Variants in LAMP2 observed in about 807,000 individuals in gnomAD.
LAMP2 encodes lysosome-associated membrane glycoprotein 2.
LAMP2 carries 4 observed loss-of-function variants against 25.6 expected under a neutral mutation model. That is an observed-to-expected ratio of 0.16 (90% CI 0.08 to 0.36). The LOEUF is 0.36. LAMP2 is among the 10% of genes least tolerant of loss of function. The pLI is 1.00. For synonymous variants in LAMP2, 108 were observed against 112.7 expected, an observed-to-expected ratio of 0.96 and a Z score of 0.27; for missense variants, 272 against 301.4, an observed-to-expected ratio of 0.90 and a Z score of 0.72.
intron 4 of LAMP2, among the ~76,000 whole-genome samples, chrX:120,448,611 TA>T (rs1010644815): frequency 3.5e-4 from 39 of 112,395 alleles, no homozygotes; most frequent in Non-Finnish European, 2.8e-4. Flanking sequence ...AAATCAACTT[TA>T]AAAATTCAAG....
At chrX:120,443,718 GTTACC>G (rs2058583737) in intron 6 of LAMP2, among the ~76,000 whole-genome samples, 2 of 112,015 alleles carry the variant, frequency 1.8e-5, no homozygotes, top group Admixed American at 1.9e-4. Flanking sequence ...GACTTTAGAT[GTTACC>G]TTGTTGGCAA....
intron 8 of LAMP2, 72 bp from the exon 9 acceptor site, chrX:120,431,534 A>ATG: frequency 2.0e-6 from 2 of 1,007,328 alleles, no homozygotes; most frequent in Non-Finnish European, 2.8e-6. Flanking sequence ...TTTGAGTAAA[A>ATG]TGACAGCACT....
rs775142637 is a variant in LAMP2, at chrX:120,430,445, A to G, written c.*878T>C. The G allele has an allele frequency of 1.3e-6, 1 of 751,282 alleles. No individual in the cohort carries two copies. Among genetic ancestry groups the G allele is most frequent in the African/African-American group, 2.3e-5 (1 of 43,469 alleles). 61.9% of individuals were successfully genotyped at this position (751,282 alleles called of 1,213,427 possible). A position where few individuals can be genotyped will look rare whatever the true frequency, so the allele number is the denominator to read the frequency against. ...CACTAAATAGATTTTAATGCTCCAGAGATCAACAAGATGAGGTAGAGAAAC... is the reference window on the plus strand; with the variant it reads ...CACTAAATAGATTTTAATGCTCCAGGGATCAACAAGATGAGGTAGAGAAAC... On this transcript the variant is annotated 3_prime_UTR_variant, in exon 9 of 9. Coordinates refer to ENST00000200639, the MANE Select transcript of LAMP2 (RefSeq NM_002294.3).
chrX:120,442,712 G>T, intron 6 of LAMP2, 50 bp from the exon 7 acceptor site: 1 of 950,167 alleles, frequency 1.1e-6, no homozygotes. Context: ...ACTGTCTACA[G>T]ATAACAGATA....
chrX:120,438,155 C>CCT (rs1225840654), intron 8 of LAMP2: 1 of 747,519 alleles, frequency 1.3e-6, no homozygotes, highest in Non-Finnish European at 1.6e-6. Flanking sequence ...CCACGCCCAG[C>CCT]CTAGATGCAA....
chrX:120,429,202 GAGCGGTGGCCTGGAAGAATAAC>G lies in LAMP2; in HGVS notation c.*2099_*2120del. On this transcript the variant is annotated 3_prime_UTR_variant, in exon 9 of 9. Transcript: ENST00000200639. ...CACACACACACAATTATTTTTAGCT[GAGCGGTGGCCTGGAAGAATAAC>G]AGCAGTATCTAATGCGTTGCAGTCC... 1 of 751,598 alleles carries G rather than the reference GAGCGGTGGCCTGGAAGAATAAC, an allele frequency of 1.3e-6. No homozygotes were observed. Among genetic ancestry groups the G allele is most frequent in the Non-Finnish European group, 1.6e-6 (1 of 638,785 alleles). The allele number at this position is 751,598 out of a possible 1,213,427, so 61.9% of individuals were successfully genotyped here.
intron 3 of LAMP2, among the ~76,000 whole-genome samples, chrX:120,452,427 T>C (rs765855800): frequency 8.9e-6 from 1 of 112,305 alleles, no homozygotes; most frequent in Non-Finnish European, 1.9e-5. Context: ...GCTCAGGTCC[T>C]ACTTCTCTAC....
At chrX:120,443,536 T>C (rs752280348) in intron 6 of LAMP2, among the ~76,000 whole-genome samples, 21 of 111,668 alleles carry the variant, frequency 1.9e-4, no homozygotes, top group Non-Finnish European at 1.1e-4. Context: ...GCGGAGTCTA[T>C]GTAATTATTA....
rs778193991 is a variant in LAMP2, at chrX:120,455,540, C to T, written c.214G>A (p.Val72Met). The T allele has an allele frequency of 4.1e-6, 5 of 1,208,799 alleles. No homozygotes were observed. Among genetic ancestry groups the T allele is most frequent in the South Asian group, 3.5e-5 (2 of 56,892 alleles). ...KTVTISDHGT[V>M]TYNGSICGDD... is the part of the protein sequence containing the mutation. ...CCACAAATGCTTCCATTATATGTCA[C>T]AGTGCCATGGTCTGAAATGGTTACA... is the stretch of plus-strand genomic sequence containing the variant. Residue 72 changes from valine (V) to methionine (M), a missense_variant, in exon 3 of 9, where the codon GTG becomes ATG. Transcript: ENST00000200639.
intron 8 of LAMP2, among the ~76,000 whole-genome samples, chrX:120,439,682 TTA>T (rs1276904096): frequency 9.1e-6 from 1 of 110,180 alleles, no homozygotes. Flanking sequence ...GATATATATT[TTA>T]TATGTGATAT....
chrX:120,431,073 T>C lies in LAMP2; in HGVS notation c.*250A>G. ...GGCCAGGGCTTCTTAAGATAGACCT[T>C]AAAACATTGCACGTTGATGTTCTTT... On this transcript the variant is annotated 3_prime_UTR_variant, in exon 9 of 9. Coordinates refer to ENST00000200639, the MANE Select transcript of LAMP2 (RefSeq NM_002294.3). 1 of 977,536 alleles carries C rather than the reference T, an allele frequency of 1.0e-6. No individual in the cohort carries two copies. Among genetic ancestry groups the C allele is most frequent in the Non-Finnish European group, 1.3e-6 (1 of 774,246 alleles). 80.6% of individuals were successfully genotyped at this position (977,536 alleles called of 1,213,427 possible). A position where few individuals can be genotyped will look rare whatever the true frequency, so the allele number is the denominator to read the frequency against.
chrX:120,447,826 G>C lies in LAMP2; in HGVS notation c.741+15C>G. ...AATGCAAAAAGGATGTATTGATAAAGATAGACACCTATACCTTATCCTGAG... is the reference window on the plus strand; with the variant it reads ...AATGCAAAAAGGATGTATTGATAAACATAGACACCTATACCTTATCCTGAG... On this transcript the variant is annotated intron_variant, in intron 5 of 8. Transcript: ENST00000200639. The C allele has an allele frequency of 8.4e-7, 1 of 1,194,050 alleles. No homozygotes were observed. Among genetic ancestry groups the C allele is most frequent in the African/African-American group, 1.7e-5 (1 of 57,588 alleles).
upstream of LAMP2, chrX:120,469,297 C>T (rs1921678568): frequency 1.6e-6 from 1 of 638,959 alleles, no homozygotes; most frequent in Non-Finnish European, 2.5e-6. Flanking sequence ...TTGCAAAAGC[C>T]AGGAATCGGC....
intron 3 of LAMP2, among the ~76,000 whole-genome samples, chrX:120,454,553 A>C (rs1049350976): frequency 1.8e-5 from 2 of 109,651 alleles, no homozygotes; most frequent in East Asian, 2.9e-4. Context: ...AGGAGTTCAA[A>C]ACCAGCCTAG....
At chrX:120,457,390 T>A (rs1489342976) in intron 1 of LAMP2, among the ~76,000 whole-genome samples, 1 of 112,252 alleles carries the variant, frequency 8.9e-6, no homozygotes, top group Non-Finnish European at 1.9e-5. Context: ...ACTCTTTCTA[T>A]CATGTAACCA....
Position 120,429,504 on chromosome X carries a change from C to T in LAMP2, c.*1819G>A. On this transcript the variant is annotated 3_prime_UTR_variant, in exon 9 of 9. Transcript: ENST00000200639. ...GAGGTCAACAAGTATTCATTCTCTTCTCTTTTCCTCTTATGCTCATGATCC... is the reference window on the plus strand; with the variant it reads ...GAGGTCAACAAGTATTCATTCTCTTTTCTTTTCCTCTTATGCTCATGATCC... The T allele has an allele frequency of 2.7e-6, 2 of 736,659 alleles. No individual in the cohort carries two copies. Among genetic ancestry groups the T allele is most frequent in the Non-Finnish European group, 3.2e-6 (2 of 623,640 alleles). 60.7% of individuals were successfully genotyped at this position (736,659 alleles called of 1,213,427 possible).
intron 6 of LAMP2, among the ~76,000 whole-genome samples, chrX:120,444,880 T>A (rs992795159): frequency 3.6e-5 from 4 of 111,928 alleles, no homozygotes; most frequent in African/African-American, 1.3e-4. Flanking sequence ...AAGGCAAAAA[T>A]GGGCCCCACT....
At chrX:120,438,082 C>A in intron 8 of LAMP2, 2 of 415,704 alleles carry the variant, frequency 4.8e-6, no homozygotes, top group Non-Finnish European at 6.1e-6. Context: ...GTCTCAAACT[C>A]CTGGCCTCAA....
chrX:120,444,213 A>G (rs1345163487), intron 6 of LAMP2, among the ~76,000 whole-genome samples: 1 of 111,202 alleles, frequency 9.0e-6, no homozygotes, highest in Non-Finnish European at 1.9e-5. Context: ...GACTGGACCC[A>G]GAGCAAAGGC....
Sources: gnomAD v4.1 joint callset for allele counts (sites outside exome capture counted in the v4.1 genomes callset) on GRCh38, gnomAD v4.1.1 for gene constraint, MANE v1.5 for transcripts, NCBI Gene and HGNC (gene_info 2026-07-23, HGNC 2026-07-21) for gene names.